The following TANC2 variants were observed in gnomAD, a reference collection of about 807,000 sequenced individuals.
The protein encoded by TANC2 is tetratricopeptide repeat, ankyrin repeat and coiled-coil containing 2.
A neutral mutation model predicts 210.5 loss-of-function variants in TANC2; 26 were observed. The ratio of observed to expected loss-of-function variants is 0.12; its 90% CI spans 0.09 to 0.17. TANC2 has a LOEUF of 0.17. Ranked by LOEUF, TANC2 falls within the 10% of genes least tolerant of loss-of-function variation. TANC2 has a pLI of 1.00. For missense variants in TANC2, 2,129 were observed against 2,608.9 expected (o/e 0.82, Z 4.01); for synonymous variants, 931 against 967.1 (o/e 0.96, Z 0.69).
At chr17:63,280,370 T>G (rs2044023742) in intron 9 of TANC2, among the ~76,000 whole-genome samples, 2 of 152,048 alleles carry the variant, frequency 1.3e-5, no homozygotes, top group African/African-American at 2.4e-5. Flanking sequence ...AAGTAAAACC[T>G]AGTTTTTTTT....
At chr17:63,315,687 GT>G (rs1567908327) in intron 10 of TANC2, among the ~76,000 whole-genome samples, 1 of 152,172 alleles carries the variant, frequency 6.6e-6, no homozygotes, top group Admixed American at 6.5e-5. Context: ...TGAGATAATA[GT>G]AGTTACAGGG....
At chr17:63,010,344 A>C (rs2033809396) in intron 2 of TANC2, among the ~76,000 whole-genome samples, 1 of 152,160 alleles carries the variant, frequency 6.6e-6, no homozygotes, top group Non-Finnish European at 1.5e-5. Flanking sequence ...CCAGTTTCCA[A>C]ACTGTTGCTG....
rs538611198 is a variant in TANC2 at position 63,343,732 on chromosome 17, C to G, written c.1807+3400C>G. 2.6e-5 allele frequency among the ~76,000 whole-genome samples: 4 copies of G among 151,792 alleles called. No individual in the cohort carries two copies. The East Asian group carries it at 7.8e-4, about 29-fold the overall frequency. ...CAGCCTGGGCAACATAGCAAGTACC[C>G]ATCTCAACAACAACACCAGCAGGCA... is the stretch of plus-strand genomic sequence containing the variant. On this transcript the variant is annotated intron_variant, in intron 12 of 27. Transcript: ENST00000689528.
chr17:63,326,109 A>G (rs1257342915), intron 11 of TANC2, among the ~76,000 whole-genome samples: 2 of 152,222 alleles, frequency 1.3e-5, no homozygotes, highest in African/African-American at 4.8e-5. Flanking sequence ...CAGCTAATTA[A>G]ACAACAGGGC....
chr17:63,138,143 AC>A (rs2039157047), intron 4 of TANC2, among the ~76,000 whole-genome samples: 1 of 152,114 alleles, frequency 6.6e-6, no homozygotes, highest in Non-Finnish European at 1.5e-5. Context: ...TTTGTAAAAG[AC>A]CCTTCCCCCT....
At chr17:63,392,023 G>A (rs1034698710) in intron 17 of TANC2, among the ~76,000 whole-genome samples, 1 of 152,064 alleles carries the variant, frequency 6.6e-6, no homozygotes, top group Non-Finnish European at 1.5e-5. Context: ...CACCGTGCTC[G>A]GCCAGTAGTA....
intron 3 of TANC2, among the ~76,000 whole-genome samples, chr17:63,095,629 G>A (rs1025059884): frequency 6.6e-6 from 1 of 152,042 alleles, no homozygotes; most frequent in Non-Finnish European, 1.5e-5. Context: ...CATAGTACTG[G>A]TATCTAGCTA....
At position 63,267,887 on chromosome 17, in the gene TANC2, A is replaced by G. The variant is rs1297727451; in HGVS notation, c.1159+14A>G. The G allele has an allele frequency of 1.3e-6, 2 of 1,597,158 alleles. No homozygotes were observed. The highest frequency in any genetic ancestry group is 1.3e-5 in the African/African-American group (1 of 74,416). On this transcript the variant is annotated intron_variant, in intron 9 of 27. Coordinates refer to ENST00000689528, the Ensembl canonical transcript of TANC2. Reference sequence around the variant, plus strand: ...AGGATTTAAGAGGTTAGAACCACAGAAGGGCTTTAAGGGTGCCCGGGAACA... The same window carrying G: ...AGGATTTAAGAGGTTAGAACCACAGGAGGGCTTTAAGGGTGCCCGGGAACA...
chr17:63,359,626 G>T (rs924331311), intron 14 of TANC2, among the ~76,000 whole-genome samples: 1 of 152,100 alleles, frequency 6.6e-6, no homozygotes, highest in Non-Finnish European at 1.5e-5. Flanking sequence ...AGGATTACAG[G>T]CATAAGCCAC....
intron 7 of TANC2, among the ~76,000 whole-genome samples, chr17:63,234,621 A>G (rs1334112998): frequency 1.3e-5 from 2 of 150,994 alleles, no homozygotes; most frequent in African/African-American, 4.9e-5. Flanking sequence ...TGGGCATTAC[A>G]GAGCTGGGTG....
chr17:62,978,294 C>T (rs1303711311), intron 1 of TANC2, among the ~76,000 whole-genome samples: 2 of 152,164 alleles, frequency 1.3e-5, no homozygotes, highest in African/African-American at 4.8e-5. Context: ...ATAATATTAA[C>T]ACATTCTGAG....
At chr17:63,212,975 T>C (rs1486371401) in intron 7 of TANC2, among the ~76,000 whole-genome samples, 1 of 152,228 alleles carries the variant, frequency 6.6e-6, no homozygotes, top group Non-Finnish European at 1.5e-5. Context: ...CTAACACTTA[T>C]GTTCAAAATA....
chr17:63,383,399 A>G (rs866701782), intron 15 of TANC2, among the ~76,000 whole-genome samples: 1 of 152,120 alleles, frequency 6.6e-6, no homozygotes, highest in South Asian at 2.1e-4. Context: ...GCAACCACTG[A>G]TCTTTTTACT....
chr17:63,424,423 GCCTGTGC>G (rs908272973), exon 28 of TANC2: 1 of 152,196 alleles, frequency 6.6e-6, no homozygotes, highest in African/African-American at 2.4e-5. Flanking sequence ...CAAGCAGACT[GCCTGTGC>G]CCTGTGCCCT....
chr17:63,321,985 G>C (rs2045509539), intron 11 of TANC2, among the ~76,000 whole-genome samples: 1 of 152,124 alleles, frequency 6.6e-6, no homozygotes, highest in African/African-American at 2.4e-5. Context: ...CAGATGGTCT[G>C]TAATATTGTA....
chr17:63,358,267 C>T (rs2046835392), intron 14 of TANC2, among the ~76,000 whole-genome samples: 1 of 151,948 alleles, frequency 6.6e-6, no homozygotes, highest in African/African-American at 2.4e-5. Flanking sequence ...AAGGACTTGA[C>T]CTACCAGAGA....
chr17:62,980,348 G>C (rs1598181162), intron 1 of TANC2, among the ~76,000 whole-genome samples: 1 of 152,036 alleles, frequency 6.6e-6, no homozygotes, highest in East Asian at 1.9e-4. Flanking sequence ...TTTTCATATA[G>C]GTTATCTGTA....
rs1374035196 is a variant in TANC2, at chr17:63,412,802, A to G, written c.3928+93A>G. On this transcript the variant is annotated intron_variant, in intron 24 of 27. Transcript: ENST00000689528. This position sits in a 1 kb window ranked among gnomAD's most constrained non-coding sequence, Gnocchi z 4.2. ...GGTTTAGCCTGCATGAGTTCCCTAC[A>G]CCTCTAATCTTTTAATTTACTTCAC... 3.8e-5 allele frequency: 53 copies of G among 1,389,680 alleles called. No homozygotes were observed. Among genetic ancestry groups the G allele is most frequent in the Non-Finnish European group, 4.9e-5 (51 of 1,043,222 alleles). The allele number at this position is 1,389,680 out of a possible 1,614,324, so 86.1% of individuals were successfully genotyped here.
In TANC2 at chr17:63,310,609, A is replaced by G. The variant is rs144816632; in HGVS notation, c.1160-3779A>G. ...CAGTAAGACAAACGCAGGCATTCCA[A>G]TAGAAATGTGAGTAAAAGCCATGAA... is the stretch of plus-strand genomic sequence containing the variant. On this transcript the variant is annotated intron_variant, in intron 9 of 27. Transcript: ENST00000689528. 2.8e-3 allele frequency among the ~76,000 whole-genome samples: 429 copies of G among 152,352 alleles called. 1 individual carries two copies. Among genetic ancestry groups the G allele is most frequent in the African/African-American group, 1.0e-2 (414 of 41,594 alleles).
Sources: gnomAD v4.1 joint callset for allele counts (sites outside exome capture counted in the v4.1 genomes callset) on GRCh38, gnomAD v4.1.1 for gene constraint, Gnocchi (gnomAD v3.1) non-coding constraint, MANE v1.5 for transcripts, NCBI Gene and HGNC (gene_info 2026-07-23, HGNC 2026-07-21) for gene names.